PTPRM: variants seen among roughly 807,000 people sequenced by gnomAD.
PTPRM encodes protein tyrosine phosphatase receptor type M, also known as receptor-type tyrosine-protein phosphatase mu.
A neutral mutation model predicts 186.7 loss-of-function variants in PTPRM; 47 were observed. The observed-to-expected ratio is 0.25, with a 90% confidence interval of 0.20 to 0.32. The LOEUF (loss-of-function observed/expected upper bound fraction) is 0.32, where lower values mean the gene tolerates loss of function less well. PTPRM is among the 10% of genes least tolerant of loss of function. The pLI is 1.00. For missense variants in PTPRM, 1,494 were observed against 1,865.0 expected (o/e 0.80, Z 3.66); for synonymous variants, 668 against 674.9 (o/e 0.99, Z 0.16).
In PTPRM at chr18:7,765,497, A is replaced by G. The variant is rs570607291; in HGVS notation, c.74-8652A>G. ...TGTCAGGCAATTAAATGTAGAAGTC[A>G]CTGTGATTTAAAAGAAGAAAGCAGG... On this transcript the variant is annotated intron_variant, in intron 1 of 32. Transcript: ENST00000580170. 4.7e-4 allele frequency among the ~76,000 whole-genome samples: 71 copies of G among 152,308 alleles called. 1 individual carries two copies. In the South Asian group the frequency reaches 0.014, roughly 31 times the overall value.
At chr18:7,584,525 A>G (rs906099178) in intron 1 of PTPRM, among the ~76,000 whole-genome samples, 15 of 152,150 alleles carry the variant, frequency 9.9e-5, no homozygotes, top group Admixed American at 3.3e-4. Flanking sequence ...TTGGCTACCT[A>G]AAATAAAGAC....
At chr18:8,318,556 C>G (rs1343355911) in intron 21 of PTPRM, among the ~76,000 whole-genome samples, 1 of 152,086 alleles carries the variant, frequency 6.6e-6, no homozygotes, top group African/African-American at 2.4e-5. Flanking sequence ...CTCAGCCTCC[C>G]CAAAGTGCTG....
At chr18:7,651,134 G>C (rs1267540621) in intron 1 of PTPRM, among the ~76,000 whole-genome samples, 1 of 151,682 alleles carries the variant, frequency 6.6e-6, no homozygotes, top group Non-Finnish European at 1.5e-5. Flanking sequence ...GTTTCACCAG[G>C]CTGGTCTCAA....
At chr18:7,816,023 G>A (rs1266508875) in intron 2 of PTPRM, among the ~76,000 whole-genome samples, 4 of 152,202 alleles carry the variant, frequency 2.6e-5, no homozygotes, top group Non-Finnish European at 1.5e-5. Flanking sequence ...GGTGACTAAT[G>A]TATCACTGAG....
chr18:7,678,474 G>A (rs930705014), intron 1 of PTPRM, among the ~76,000 whole-genome samples: 17 of 152,272 alleles, frequency 1.1e-4, no homozygotes, highest in Admixed American at 4.6e-4. Flanking sequence ...GGGAGCACAG[G>A]CATTTTGTAC....
intron 17 of PTPRM, among the ~76,000 whole-genome samples, chr18:8,249,098 A>C (rs916047118): frequency 1.3e-5 from 2 of 152,226 alleles, no homozygotes; most frequent in Admixed American, 6.5e-5. Context: ...AACGACTTCA[A>C]GGTATATAAC....
intron 5 of PTPRM, among the ~76,000 whole-genome samples, chr18:7,947,526 G>A (rs2052618098): frequency 6.6e-6 from 1 of 152,198 alleles, no homozygotes; most frequent in Admixed American, 6.5e-5. Flanking sequence ...AGCTATGAAT[G>A]TAAACATTTT....
chr18:8,277,296 G>T (rs1183942169), intron 19 of PTPRM, among the ~76,000 whole-genome samples: 6 of 152,154 alleles, frequency 3.9e-5, no homozygotes, highest in Non-Finnish European at 2.9e-5. Context: ...GCAACTATAT[G>T]ATGTTGATGT....
intron 19 of PTPRM, among the ~76,000 whole-genome samples, chr18:8,290,751 C>T (rs2095034058): frequency 6.6e-6 from 1 of 152,068 alleles, no homozygotes; most frequent in Non-Finnish European, 1.5e-5. Flanking sequence ...TGCCTCTTCG[C>T]AGTATATATG....
chr18:8,121,057 C>A (rs371972585), intron 13 of PTPRM, among the ~76,000 whole-genome samples: 3 of 152,104 alleles, frequency 2.0e-5, no homozygotes, highest in African/African-American at 7.2e-5. Flanking sequence ...CTCTGTAATG[C>A]GTTAATGCAC....
intron 11 of PTPRM, among the ~76,000 whole-genome samples, chr18:8,098,079 G>A (rs2091099045): frequency 6.6e-6 from 1 of 152,108 alleles, no homozygotes; most frequent in South Asian, 2.1e-4. Context: ...GCAGCAATAG[G>A]CTCTACCATA....
chr18:8,303,104 C>T (rs2000643), intron 20 of PTPRM, among the ~76,000 whole-genome samples: 18,438 of 151,816 alleles, frequency 0.12, 1,444 homozygotes, highest in African/African-American at 0.22. Context: ...GCATAGAGAG[C>T]CCAAGACCCA....
chr18:7,775,554 T>C (rs938100721), intron 2 of PTPRM, among the ~76,000 whole-genome samples: 2 of 152,134 alleles, frequency 1.3e-5, no homozygotes, highest in African/African-American at 4.8e-5. Flanking sequence ...TCCTGCCCTC[T>C]CAAGAGGATC....
chr18:8,248,056 T>C (rs2094494345), intron 16 of PTPRM, 94 bp from the exon 17 acceptor site: 1 of 1,383,284 alleles, frequency 7.2e-7, no homozygotes, highest in Non-Finnish European at 1.0e-6. Context: ...TCTACAGCTT[T>C]CTATGCAGAA....
chr18:8,314,753 G>A (rs757472096), intron 20 of PTPRM, 28 bp from the exon 21 acceptor site: 26 of 1,588,242 alleles, frequency 1.6e-5, no homozygotes, highest in Admixed American at 6.8e-5. Flanking sequence ...TTTGTTAATC[G>A]TTATTTTCTG....
At chr18:8,323,435 A>G (rs1461557279) in intron 22 of PTPRM, among the ~76,000 whole-genome samples, 1 of 152,186 alleles carries the variant, frequency 6.6e-6, no homozygotes, top group Non-Finnish European at 1.5e-5. Flanking sequence ...ACAACACAAT[A>G]AAAAGCAAAT....
At chr18:8,275,807 T>C (rs560897925) in intron 19 of PTPRM, among the ~76,000 whole-genome samples, 1 of 152,206 alleles carries the variant, frequency 6.6e-6, no homozygotes, top group African/African-American at 2.4e-5. Context: ...TCACTGCCAG[T>C]GTCTCTGATC....
At chr18:7,657,612 A>G (rs17463126) in intron 1 of PTPRM, among the ~76,000 whole-genome samples, 2,156 of 152,324 alleles carry the variant, frequency 0.014, 27 homozygotes, top group Admixed American at 0.021. Context: ...TACTCAAATT[A>G]CACAGTGATT....
chr18:7,898,584 A>G (rs189205816), intron 3 of PTPRM, among the ~76,000 whole-genome samples: 30 of 152,326 alleles, frequency 2.0e-4, no homozygotes, highest in Non-Finnish European at 3.5e-4. Context: ...GTCAGTTTAA[A>G]CAACTGGTTT....
Sources: allele counts gnomAD v4.1 joint callset (sites outside exome capture counted in the v4.1 genomes callset), GRCh38; gene constraint gnomAD v4.1.1; transcripts MANE v1.5; gene names NCBI Gene and HGNC (gene_info 2026-07-23, HGNC 2026-07-21).